Variants in PHTF2 observed in about 807,000 individuals in gnomAD.
PHTF2 encodes putative homeodomain transcription factor 2.
PHTF2 carries 60 observed loss-of-function variants against 101.2 expected under a neutral mutation model. The ratio of observed to expected loss-of-function variants is 0.59; its 90% CI spans 0.48 to 0.73. The LOEUF (loss-of-function observed/expected upper bound fraction) is 0.73. Among genes scored for constraint, PHTF2 ranks in the 30% least tolerant of loss-of-function variants. The probability of loss-of-function intolerance (pLI) is 0.00; values close to 1 mark genes in which losing one functional copy is unlikely to be tolerated. For missense variants in PHTF2, 747 were observed against 908.7 expected, an observed-to-expected ratio of 0.82 and a Z score of 2.29; for synonymous variants, 311 against 307.3, an observed-to-expected ratio of 1.01 and a Z score of -0.13.
At chr7:77,825,399 A>G (rs952383940) in intron 1 of PHTF2, among the ~76,000 whole-genome samples, 1 of 152,336 alleles carries the variant, frequency 6.6e-6, no homozygotes, top group Admixed American at 6.5e-5. Flanking sequence ...GCAAAAAGTC[A>G]AGGAAAAATC....
exon 3 of PHTF2, chr7:77,854,745 G>C: frequency 1.4e-6 from 1 of 719,616 alleles, no homozygotes; most frequent in African/African-American, 1.7e-5. Context: ...GTTTCTCTCT[G>C]TGGCCACCAC....
At chr7:77,894,294 A>G (rs772401678) in intron 5 of PHTF2, among the ~76,000 whole-genome samples, 34 of 152,270 alleles carry the variant, frequency 2.2e-4, no homozygotes, top group Middle Eastern at 3.4e-3. Flanking sequence ...AGCACTCTTT[A>G]TTGGTAATAA....
At chr7:77,956,682 A>G (rs940083439) in exon 20 of PHTF2, 1 of 152,646 alleles carries the variant, frequency 6.6e-6, no homozygotes, top group Non-Finnish European at 1.5e-5. Context: ...GTACATGCCT[A>G]TACAGAACTT....
intron 2 of PHTF2, among the ~76,000 whole-genome samples, chr7:77,854,542 A>C (rs1018142204): frequency 6.6e-6 from 1 of 152,028 alleles, no homozygotes; most frequent in Non-Finnish European, 1.5e-5. Flanking sequence ...CAGAGCATCA[A>C]GCTCCCCTGC....
intron 5 of PHTF2, among the ~76,000 whole-genome samples, chr7:77,898,533 C>A (rs989048223): frequency 6.6e-6 from 1 of 152,038 alleles, no homozygotes; most frequent in Non-Finnish European, 1.5e-5. Flanking sequence ...ATCCATCAGC[C>A]GCTTTATAGT....
chr7:77,919,803 A>T (rs944983934), intron 9 of PHTF2, among the ~76,000 whole-genome samples: 1 of 152,050 alleles, frequency 6.6e-6, no homozygotes, highest in African/African-American at 2.4e-5. Flanking sequence ...TCGTTTTTTT[A>T]TATCTTTTTA....
chr7:77,877,115 C>CTCT (rs1799010217), intron 3 of PHTF2, among the ~76,000 whole-genome samples: 1 of 137,252 alleles, frequency 7.3e-6, no homozygotes, highest in Non-Finnish European at 1.6e-5. Context: ...TTTTCTCTCT[C>CTCT]TTTTTTTTTT....
chr7:77,940,245 G>A, exon 14 of PHTF2: 3 of 1,613,718 alleles, frequency 1.9e-6, no homozygotes, highest in Non-Finnish European at 2.5e-6. Context: ...TGGTTCGCGT[G>A]TCTCTTGTGT....
At chr7:77,804,181 T>G (rs978294883) in intron 1 of PHTF2, among the ~76,000 whole-genome samples, 2 of 152,230 alleles carry the variant, frequency 1.3e-5, no homozygotes, top group Non-Finnish European at 2.9e-5. Context: ...AGATTTCTTG[T>G]GTGTTCATTC....
intron 7 of PHTF2, among the ~76,000 whole-genome samples, chr7:77,907,449 T>TAAAAA (rs1371904437): frequency 1.3e-5 from 2 of 152,202 alleles, no homozygotes; most frequent in Non-Finnish European, 2.9e-5. Context: ...TTGGTTTTTT[T>TAAAAA]GGTCGTTAAT....
At chr7:77,923,484 A>G in intron 11 of PHTF2, 1 of 985,350 alleles carries the variant, frequency 1.0e-6, no homozygotes, top group Non-Finnish European at 1.2e-6. Context: ...CTGTGCTGGA[A>G]TATGATTGCC....
At chr7:77,814,778 T>A (rs1793727768) in intron 1 of PHTF2, among the ~76,000 whole-genome samples, 1 of 152,022 alleles carries the variant, frequency 6.6e-6, no homozygotes, top group Non-Finnish European at 1.5e-5. Flanking sequence ...GGGGGGCATT[T>A]TTAAACAACA....
chr7:77,841,326 C>T (rs942953011), intron 2 of PHTF2, among the ~76,000 whole-genome samples: 3 of 151,860 alleles, frequency 2.0e-5, no homozygotes, highest in South Asian at 2.1e-4. Flanking sequence ...GTGATCCGCC[C>T]GCCTCAGCCT....
chr7:77,938,524 A>G (rs1414980639), intron 13 of PHTF2, among the ~76,000 whole-genome samples: 3 of 152,082 alleles, frequency 2.0e-5, no homozygotes, highest in Admixed American at 6.6e-5. Flanking sequence ...AGGTCAGGAG[A>G]TCGAGACCAT....
intron 2 of PHTF2, among the ~76,000 whole-genome samples, chr7:77,845,885 C>G (rs1278758999): frequency 3.3e-5 from 5 of 152,190 alleles, no homozygotes; most frequent in Admixed American, 3.3e-4. Context: ...TCAAGCTAAA[C>G]CGTGCTGAGT....
chr7:77,824,661 C>T (rs759634219), intron 1 of PHTF2, among the ~76,000 whole-genome samples: 2 of 152,162 alleles, frequency 1.3e-5, no homozygotes, highest in Non-Finnish European at 2.9e-5. Flanking sequence ...ACTTCGTGAT[C>T]TGCCCGCCTT....
chr7:77,830,468 A>G (rs959469790), intron 1 of PHTF2, among the ~76,000 whole-genome samples: 16 of 152,220 alleles, frequency 1.1e-4, no homozygotes, highest in Admixed American at 2.0e-4. Context: ...GCTGCCTCCC[A>G]TCACTTCCAT....
At chr7:77,927,171 A>T (rs1346757599) in intron 11 of PHTF2, among the ~76,000 whole-genome samples, 3 of 91,932 alleles carry the variant, frequency 3.3e-5, no homozygotes, top group Non-Finnish European at 4.6e-5. Flanking sequence ...AAAAAAAAAA[A>T]AAAAAAATAT....
chr7:77,924,908 A>G (rs1584727845), intron 11 of PHTF2, among the ~76,000 whole-genome samples: 2 of 152,000 alleles, frequency 1.3e-5, no homozygotes, highest in Admixed American at 6.6e-5. Flanking sequence ...TCTACTATCT[A>G]CTGTATCTGG....
Sources: gnomAD v4.1 joint callset for allele counts (sites outside exome capture counted in the v4.1 genomes callset) on GRCh38, gnomAD v4.1.1 for gene constraint, MANE v1.5 for transcripts, NCBI Gene and HGNC (gene_info 2026-07-23, HGNC 2026-07-21) for gene names.